CALML4: variants seen among roughly 807,000 people sequenced by gnomAD.
CALML4 encodes calmodulin like 4.
A neutral mutation model predicts 17.9 loss-of-function variants in CALML4; 16 were observed. That is an observed-to-expected ratio of 0.89 (90% CI 0.61 to 1.36). The LOEUF is 1.36. CALML4 is among the 40% of genes most tolerant of loss of function. The pLI is 0.00. For synonymous variants in CALML4, 86 were observed against 71.5 expected, an observed-to-expected ratio of 1.20 and a Z score of -1.02; for missense variants, 203 against 194.8, an observed-to-expected ratio of 1.04 and a Z score of -0.25.
intron 2 of CALML4, among the ~76,000 whole-genome samples, chr15:68,203,967 G>A (rs530901096): frequency 1.4e-4 from 22 of 152,156 alleles, no homozygotes; most frequent in Non-Finnish European, 3.2e-4. Flanking sequence ...CCAGGCATGG[G>A]TGGGAGGATG....
intron 4 of CALML4, among the ~76,000 whole-genome samples, chr15:68,196,701 G>A (rs1488887673): frequency 6.6e-6 from 1 of 152,138 alleles, no homozygotes; most frequent in Non-Finnish European, 1.5e-5. Flanking sequence ...GCCTTGGCGT[G>A]GGGATCCCCT....
At chr15:68,194,164 A>C (rs746366676) in intron 4 of CALML4, 52 bp from the exon 5 acceptor site, 9 of 1,472,238 alleles carry the variant, frequency 6.1e-6, no homozygotes, top group Non-Finnish European at 6.7e-6. Context: ...TTCCATTATA[A>C]AACAGTGAGT....
chr15:68,195,046 C>CAA lies in CALML4; in HGVS notation c.365-936_365-935dup, dbSNP rs35627887. Among the ~76,000 whole-genome samples, 573 of 130,718 alleles carry CAA rather than the reference C, an allele frequency of 4.4e-3. 1 individual carries two copies. The highest frequency in any genetic ancestry group is 0.014 in the African/African-American group (507 of 35,796). 85.8% of individuals were successfully genotyped at this position (130,718 alleles called of 152,430 possible). On this transcript the variant is annotated intron_variant, in intron 4 of 4. Coordinates refer to ENST00000467889, the MANE Select transcript of CALML4 (RefSeq NM_033429.3). ...AAACTGCCATTGTTCTCCATCACTC[C>CAA]AAAAAAAAAAAAAAAATCACTTCAT...
intron 2 of CALML4, among the ~76,000 whole-genome samples, chr15:68,202,795 C>A (rs113515291): frequency 0.063 from 9,451 of 149,036 alleles, 840 homozygotes; most frequent in African/African-American, 0.2. Context: ...AGGCATGTGC[C>A]ACCATGACCG....
intron 4 of CALML4, among the ~76,000 whole-genome samples, chr15:68,196,382 G>A (rs367551305): frequency 1.2e-3 from 186 of 152,344 alleles, no homozygotes; most frequent in East Asian, 4.8e-3. Context: ...GGAAAGCGAG[G>A]TGGGAGAAAG....
chr15:68,199,875 A>C, intron 2 of CALML4, 194 bp from the exon 3 acceptor site: 1 of 498,314 alleles, frequency 2.0e-6, no homozygotes, highest in Non-Finnish European at 3.5e-6. Context: ...ATTCAGATAA[A>C]CACTGAATAT....
chr15:68,191,471 T>C lies in CALML4; in HGVS notation c.*2544A>G, dbSNP rs1291455876. The C allele has an allele frequency of 1.3e-5, 2 of 152,670 alleles. No individual in the cohort carries two copies. Among genetic ancestry groups the C allele is most frequent in the South Asian group, 2.1e-4 (1 of 4,832 alleles). The allele number at this position is 152,670 out of a possible 1,614,324, so 9.5% of individuals were successfully genotyped here. ...AAGAAAAGCCTTCAGTTAATTTGTC[T>C]TCTGTAAAATAACACTGCTGGATGT... On this transcript the variant is annotated 3_prime_UTR_variant, in exon 5 of 5. Transcript: ENST00000467889.
rs2093125016 is a variant in CALML4, at chr15:68,192,516, C to G, written c.*1499G>C. The G allele has an allele frequency of 6.6e-6, 1 of 152,238 alleles. No homozygotes were observed. The highest frequency in any genetic ancestry group is 1.5e-5 in the Non-Finnish European group (1 of 68,072). The allele number at this position is 152,238 out of a possible 1,614,324, so 9.4% of individuals were successfully genotyped here. On this transcript the variant is annotated 3_prime_UTR_variant, in exon 5 of 5. Transcript: ENST00000467889. Reference sequence around the variant, plus strand: ...GGCATTTGGGCCATTTATTTACCCTCACCCCACAAAACTCTTTGGCTCCTA... The same window carrying G: ...GGCATTTGGGCCATTTATTTACCCTGACCCCACAAAACTCTTTGGCTCCTA...
Position 68,197,568 on chromosome 15 carries a change from T to C in CALML4, c.236A>G (p.Gln79Arg), listed in dbSNP as rs762870509. Reference protein sequence around the residue: ...FLTIMHMQIKQEDPKKEILLA... With the variant: ...FLTIMHMQIKREDPKKEILLA... ...AAGAATTTCTTTCTTTGGGTCTTCT[T>C]GTTTTATTTGCATGTGCATAATGGT... Residue 79 changes from glutamine to arginine, a missense_variant, in exon 4 of 5, where the codon CAA (glutamine) becomes CGA (arginine). Transcript: ENST00000467889. The surrounding 1 kb of genome is among the most constrained non-coding windows in gnomAD (Gnocchi z 4.1). 1.9e-6 allele frequency: 3 copies of C among 1,614,038 alleles called. No individual in the cohort carries two copies. The highest frequency in any genetic ancestry group is 2.5e-6 in the Non-Finnish European group (3 of 1,180,002).
chr15:68,203,633 CA>C (rs2093172584), intron 2 of CALML4, among the ~76,000 whole-genome samples: 1 of 152,306 alleles, frequency 6.6e-6, no homozygotes, highest in Admixed American at 6.5e-5. Context: ...ATGTGGGTGA[CA>C]CCTGGCTATG....
rs2093131132 is a variant in CALML4 at position 68,193,844 on chromosome 15, A to G, written c.*171T>C. On this transcript the variant is annotated 3_prime_UTR_variant, in exon 5 of 5. Coordinates refer to ENST00000467889, the MANE Select transcript of CALML4 (RefSeq NM_033429.3). ...AATCTTTTATTAAAGATCTACTCAT[A>G]CCATGGCTGAAATCATCTATTATTG... 3 of 599,350 alleles carry G rather than the reference A, an allele frequency of 5.0e-6. No individual in the cohort carries two copies. The East Asian group carries it at 8.3e-5, about 17-fold the overall frequency. 37.1% of individuals were successfully genotyped at this position (599,350 alleles called of 1,614,324 possible).
In CALML4 at chr15:68,197,950, C is replaced by G. The variant is rs924690072; in HGVS notation, c.176-322G>C. 1.1e-5 allele frequency: 3 copies of G among 276,170 alleles called. No homozygotes were observed. The highest frequency in any genetic ancestry group is 6.5e-5 in the African/African-American group (3 of 46,244). The allele number at this position is 276,170 out of a possible 1,614,324, so 17.1% of individuals were successfully genotyped here. A position where few individuals can be genotyped will look rare whatever the true frequency, so the allele number is the denominator to read the frequency against. ...TCCCTTCTAGCGCTTCCCTCCTGCC[C>G]TGAACTGGAGGGAAACAGGTCCATG... On this transcript the variant is annotated intron_variant, in intron 3 of 4. Transcript: ENST00000467889. The surrounding 1 kb of genome is among the most constrained non-coding windows in gnomAD (Gnocchi z 4.1).
chr15:68,205,847 C>T (rs2093182284), upstream of CALML4: 1 of 188,264 alleles, frequency 5.3e-6, no homozygotes, highest in South Asian at 1.0e-4. The surrounding 1 kb of genome is among the most constrained non-coding windows in gnomAD (Gnocchi z 4.8). Context: ...ATCATTCTAC[C>T]TCAGTCTGTG....
intron 4 of CALML4, among the ~76,000 whole-genome samples, chr15:68,194,556 G>A (rs551972505): frequency 1.3e-5 from 2 of 152,150 alleles, no homozygotes; most frequent in East Asian, 3.9e-4. Context: ...GCTAATTTTT[G>A]TATTTTTAGT....
rs554656291 is a variant in CALML4, at chr15:68,202,951, A to T, written c.34+2170T>A. ...TGCCTCAGCCTCCTGAGTAGCTGGA[A>T]TTACAGGTGCCTGCCAGCACACCAG... is the stretch of plus-strand genomic sequence containing the variant. On this transcript the variant is annotated intron_variant, in intron 2 of 4. Coordinates refer to ENST00000467889, the MANE Select transcript of CALML4 (RefSeq NM_033429.3). Among the ~76,000 whole-genome samples, 4 of 152,048 alleles carry T rather than the reference A, an allele frequency of 2.6e-5. No homozygotes were observed. The South Asian group carries it at 8.3e-4, about 32-fold the overall frequency.
intron 2 of CALML4, among the ~76,000 whole-genome samples, chr15:68,203,967 G>T (rs530901096): frequency 3.6e-4 from 55 of 152,156 alleles, no homozygotes; most frequent in African/African-American, 1.2e-3. Flanking sequence ...CCAGGCATGG[G>T]TGGGAGGATG....
intron 4 of CALML4, among the ~76,000 whole-genome samples, chr15:68,195,774 T>C (rs1224588617): frequency 3.9e-5 from 6 of 152,150 alleles, no homozygotes. Context: ...TGTCCCTGCT[T>C]GTCTGGAACA....
chr15:68,196,633 G>A (rs557343976), intron 4 of CALML4, among the ~76,000 whole-genome samples: 10 of 152,084 alleles, frequency 6.6e-5, no homozygotes, highest in Admixed American at 2.6e-4. Context: ...TGGCTGCTGC[G>A]AACATGGCAG....
chr15:68,194,867 C>G lies in CALML4; in HGVS notation c.365-755G>C, dbSNP rs555376127. The stretch of plus-strand genomic sequence containing the variant: ...TGCCTTTTCCCCTAAGCCGGTGCTC[C>G]TCACCACCTCTGCCCCCACCCCAAG... On this transcript the variant is annotated intron_variant, in intron 4 of 4. Transcript: ENST00000467889. Among the ~76,000 whole-genome samples, 16 of 151,754 alleles carry G rather than the reference C, an allele frequency of 1.1e-4. No individual in the cohort carries two copies. In the East Asian group the frequency reaches 2.9e-3, roughly 28 times the overall value.
Sources: allele counts gnomAD v4.1 joint callset (sites outside exome capture counted in the v4.1 genomes callset), GRCh38; gene constraint gnomAD v4.1.1; non-coding constraint Gnocchi (gnomAD v3.1); transcripts MANE v1.5; gene names NCBI Gene and HGNC (gene_info 2026-07-23, HGNC 2026-07-21).